The following HUWE1 variants were observed in gnomAD, a reference collection of about 807,000 sequenced individuals.
HUWE1 encodes E3 ubiquitin-protein ligase HUWE1.
A neutral mutation model predicts 299.4 loss-of-function variants in HUWE1; 18 were observed. The observed-to-expected ratio is 0.06, with a 90% CI of 0.04 to 0.09. The LOEUF (loss-of-function observed/expected upper bound fraction) is 0.09, where lower values mean the gene tolerates loss of function less well. HUWE1 is among the 10% of genes least tolerant of loss of function. The pLI is 1.00. For missense variants in HUWE1, 1,832 were observed against 3,462.3 expected (o/e 0.53, Z 11.82); for synonymous variants, 1,317 against 1,286.1 (o/e 1.02, Z -0.51).
intron 3 of HUWE1, among the ~76,000 whole-genome samples, chrX:53,665,615 T>C (rs1174085468): frequency 8.9e-6 from 1 of 112,186 alleles, no homozygotes; most frequent in Non-Finnish European, 1.9e-5. Flanking sequence ...TTAGAGAAAC[T>C]GGCATCAGAA....
At chrX:53,567,649 T>C (rs897911058) in intron 49 of HUWE1, among the ~76,000 whole-genome samples, 11 of 111,923 alleles carry the variant, frequency 9.8e-5, no homozygotes, top group Non-Finnish European at 1.9e-4. Flanking sequence ...AAATGAGAAA[T>C]TAGAAAGCTT....
intron 3 of HUWE1, among the ~76,000 whole-genome samples, chrX:53,678,316 T>C (rs1603276965): frequency 1.8e-5 from 2 of 111,890 alleles, no homozygotes; most frequent in African/African-American, 3.2e-5. Context: ...GGTCAACAAG[T>C]ACATCAAGTT....
intron 19 of HUWE1, among the ~76,000 whole-genome samples, chrX:53,620,673 G>A (rs1446373360): frequency 1.8e-5 from 2 of 111,956 alleles, no homozygotes; most frequent in African/African-American, 6.5e-5. Context: ...TGCCTTAGTT[G>A]TATGACATCT....
At chrX:53,568,409 T>C (rs1234563759) in intron 49 of HUWE1, among the ~76,000 whole-genome samples, 1 of 111,682 alleles carries the variant, frequency 9.0e-6, no homozygotes, top group Non-Finnish European at 1.9e-5. Context: ...TTCTTATTTT[T>C]ACTCATCTGT....
chrX:53,536,057 G>C, intron 80 of HUWE1, 90 bp downstream of exon 80: 3 of 557,951 alleles, frequency 5.4e-6, no homozygotes, highest in South Asian at 4.8e-5. Context: ...AGAACTATGA[G>C]AAGGTCACGC....
chrX:53,646,190 C>T (rs782508233), intron 6 of HUWE1, among the ~76,000 whole-genome samples: 1 of 110,801 alleles, frequency 9.0e-6, no homozygotes, highest in East Asian at 2.8e-4. Context: ...GACGGGGTCT[C>T]TCTGTTGCCC....
At chrX:53,586,114 T>C (rs2063845144) in intron 39 of HUWE1, among the ~76,000 whole-genome samples, 1 of 112,469 alleles carries the variant, frequency 8.9e-6, no homozygotes, top group South Asian at 3.7e-4. Context: ...TCCTTTTGTT[T>C]CTACTGATTT....
At chrX:53,663,230 G>A (rs782284660) in intron 3 of HUWE1, among the ~76,000 whole-genome samples, 8 of 112,057 alleles carry the variant, frequency 7.1e-5, no homozygotes, top group Non-Finnish European at 1.5e-4. Flanking sequence ...TGAAAATGTT[G>A]GGCCAGGGGC....
chrX:53,661,082 T>C (rs1475806356), intron 3 of HUWE1, among the ~76,000 whole-genome samples: 1 of 105,203 alleles, frequency 9.5e-6, no homozygotes, highest in African/African-American at 3.5e-5. Context: ...TCGCCCAGGC[T>C]GGAGTGCAGT....
chrX:53,537,792 A>G lies in HUWE1; in HGVS notation c.11997-96T>C. 6 of 897,784 alleles carry G rather than the reference A, an allele frequency of 6.7e-6. No homozygotes were observed. The South Asian group carries it at 9.2e-5, about 14-fold the overall frequency. The allele number at this position is 897,784 out of a possible 1,213,427, so 74.0% of individuals were successfully genotyped here. On this transcript the variant is annotated intron_variant, in intron 77 of 83. Coordinates refer to ENST00000262854, the MANE Select transcript of HUWE1 (RefSeq NM_031407.7). ...GAAGACCCACAATGATGCTCCTTCT[A>G]TCCTCCAAACACTTTGATCTCTGCT... is the stretch of plus-strand genomic sequence containing the variant.
At chrX:53,686,159 C>T (rs1483185692) in intron 2 of HUWE1, 111 bp downstream of exon 2, 3 of 112,945 alleles carry the variant, frequency 2.7e-5, no homozygotes, top group African/African-American at 9.7e-5. Context: ...GCCTGCCCGC[C>T]CCTCACCTTC....
intron 23 of HUWE1, among the ~76,000 whole-genome samples, chrX:53,610,122 A>G (rs1200961117): frequency 9.0e-6 from 1 of 111,572 alleles, no homozygotes; most frequent in Non-Finnish European, 1.9e-5. Context: ...CCACTGCAGC[A>G]TTCCATGTTA....
At chrX:53,615,376 C>T (rs1557006403) in intron 22 of HUWE1, among the ~76,000 whole-genome samples, 1 of 109,377 alleles carries the variant, frequency 9.1e-6, no homozygotes, top group African/African-American at 3.3e-5. Flanking sequence ...TACAGGCACA[C>T]GCCACCAAAC....
At chrX:53,620,208 T>C (rs781991446) in intron 19 of HUWE1, among the ~76,000 whole-genome samples, 9 of 110,354 alleles carry the variant, frequency 8.2e-5, no homozygotes, top group Admixed American at 1.9e-4. Flanking sequence ...TCATTCAGTC[T>C]GGGCATGGGC....
At chrX:53,590,317 T>C in intron 35 of HUWE1, 87 bp downstream of exon 35, 3 of 635,078 alleles carry the variant, frequency 4.7e-6, no homozygotes, top group Non-Finnish European at 8.1e-6. Flanking sequence ...TTGAATTCTA[T>C]CAATTAGTTT....
At chrX:53,648,143 A>G (rs1467690578) in intron 5 of HUWE1, 69 bp downstream of exon 5, 13 of 692,490 alleles carry the variant, frequency 1.9e-5, no homozygotes, top group Non-Finnish European at 2.8e-5. Context: ...TTCTTATTCC[A>G]TATCAGAGCA....
At chrX:53,627,604 C>A in intron 16 of HUWE1, 89 bp from the exon 17 acceptor site, 2 of 752,722 alleles carry the variant, frequency 2.7e-6, no homozygotes, top group Non-Finnish European at 3.8e-6. Flanking sequence ...AATGGAAAAA[C>A]ACTGCAAGCA....
intron 59 of HUWE1, among the ~76,000 whole-genome samples, chrX:53,558,393 CTA>C (rs1378589936): frequency 2.7e-5 from 3 of 111,871 alleles, no homozygotes; most frequent in African/African-American, 9.8e-5. Flanking sequence ...GCGGTAGAGA[CTA>C]TGCAGTGTGA....
At chrX:53,678,171 G>C (rs782682480) in intron 3 of HUWE1, among the ~76,000 whole-genome samples, 66 of 111,825 alleles carry the variant, frequency 5.9e-4, no homozygotes, top group Non-Finnish European at 1.1e-3. Context: ...AAAGCCAAAT[G>C]ACTAAAAACT....
Sources: allele counts gnomAD v4.1 joint callset (sites outside exome capture counted in the v4.1 genomes callset), GRCh38; gene constraint gnomAD v4.1.1; transcripts MANE v1.5; gene names NCBI Gene and HGNC (gene_info 2026-07-23, HGNC 2026-07-21).